CCNY: variants seen among roughly 807,000 people sequenced by gnomAD.
The protein encoded by CCNY is cyclin-Y.
A neutral mutation model predicts 42.8 loss-of-function variants in CCNY; 19 were observed. The observed-to-expected ratio is 0.44, with a 90% CI of 0.31 to 0.65. The LOEUF (loss-of-function observed/expected upper bound fraction) is 0.65, where lower values mean the gene tolerates loss of function less well. Among genes scored for constraint, CCNY ranks in the 30% least tolerant of loss-of-function variants. CCNY has a pLI of 0.07. For synonymous variants in CCNY, 165 were observed against 162.7 expected (o/e 1.01, Z -0.11); for missense variants, 370 against 437.3 (o/e 0.85, Z 1.37).
chr10:35,321,661 T>C (rs541496474), intron 3 of CCNY, among the ~76,000 whole-genome samples: 37 of 152,066 alleles, frequency 2.4e-4, no homozygotes, highest in African/African-American at 8.2e-4. Context: ...CTGGGTGACA[T>C]AGTAAGACCC....
intron 2 of CCNY, among the ~76,000 whole-genome samples, chr10:35,491,024 C>T (rs1839884573): frequency 6.6e-6 from 1 of 152,204 alleles, no homozygotes; most frequent in Non-Finnish European, 1.5e-5. Context: ...ACCTGTCTTT[C>T]CCTCTAGTTT....
intron 1 of CCNY, among the ~76,000 whole-genome samples, chr10:35,448,644 C>T (rs974025222): frequency 1.3e-5 from 2 of 152,010 alleles, no homozygotes; most frequent in Non-Finnish European, 2.9e-5. Context: ...CATGTGACTC[C>T]TTGGGGAAGG....
chr10:35,523,319 A>G (rs1840586450), intron 4 of CCNY, among the ~76,000 whole-genome samples: 1 of 152,176 alleles, frequency 6.6e-6, no homozygotes, highest in African/African-American at 2.4e-5. Context: ...TGCCTAATTA[A>G]AAGGGGGCGC....
intron 1 of CCNY, among the ~76,000 whole-genome samples, chr10:35,447,876 A>G (rs1040558904): frequency 3.3e-5 from 5 of 152,230 alleles, no homozygotes; most frequent in Middle Eastern, 3.2e-3. Flanking sequence ...AGGCAGGAAA[A>G]CAAAAGATAT....
intron 8 of CCNY, among the ~76,000 whole-genome samples, chr10:35,565,608 T>C (rs961956055): frequency 5.9e-5 from 9 of 152,212 alleles, no homozygotes; most frequent in African/African-American, 2.2e-4. Flanking sequence ...AGGAAGCCAA[T>C]GTCCTCTAGG....
At chr10:35,516,661 CTTTTTTTTTTTTTTTTTT>C (rs35268084) in intron 4 of CCNY, 38 bp downstream of exon 4, 16 of 326,922 alleles carry the variant, frequency 4.9e-5, no homozygotes, top group Non-Finnish European at 7.9e-5. Flanking sequence ...TCCTTCCTTC[CTTTTTTTTTTTTTTTTTT>C]TTTTTTTTTA....
At chr10:35,543,876 G>A (rs1277656171) in intron 7 of CCNY, among the ~76,000 whole-genome samples, 1 of 152,032 alleles carries the variant, frequency 6.6e-6, no homozygotes, top group East Asian at 1.9e-4. Context: ...CTCTGTATAG[G>A]TCTAGGCTAA....
At chr10:35,284,176 C>T (rs190414258) in intron 3 of CCNY, among the ~76,000 whole-genome samples, 1 of 152,288 alleles carries the variant, frequency 6.6e-6, no homozygotes, top group African/African-American at 2.4e-5. Flanking sequence ...TGTAGTCTGA[C>T]AAATGGATCT....
intron 2 of CCNY, among the ~76,000 whole-genome samples, chr10:35,490,031 G>T (rs967176777): frequency 1.3e-5 from 2 of 152,076 alleles, no homozygotes; most frequent in African/African-American, 4.8e-5. Context: ...CTCTGTCGCC[G>T]CAGAGGTCTT....
At chr10:35,438,503 CATT>C (rs1838593253) in intron 1 of CCNY, among the ~76,000 whole-genome samples, 2 of 152,056 alleles carry the variant, frequency 1.3e-5, no homozygotes, top group African/African-American at 4.8e-5. Flanking sequence ...ATGGCTGTAT[CATT>C]GTTAAGTTAA....
chr10:35,270,589 G>A lies in CCNY; in HGVS notation c.-9+19963G>A, dbSNP rs1272959336. ...CTGAATTGGTGCATGTGCTGGAAGT[G>A]TGAGTGCTCCAATTTGCCCAGAGTC... is the stretch of plus-strand genomic sequence containing the variant. On this transcript the variant is annotated intron_variant, in intron 3 of 11. Transcript: ENST00000374706. Among the ~76,000 whole-genome samples, 5 of 152,270 alleles carry A rather than the reference G, an allele frequency of 3.3e-5. No individual in the cohort carries two copies. The East Asian group carries it at 5.8e-4, about 18-fold the overall frequency.
At chr10:35,312,138 G>T (rs1256823529) in intron 3 of CCNY, among the ~76,000 whole-genome samples, 1 of 152,088 alleles carries the variant, frequency 6.6e-6, no homozygotes, top group African/African-American at 2.4e-5. Flanking sequence ...AGCCCTTTGG[G>T]ACGCTGAGGC....
chr10:35,559,692 A>T (rs187229019), intron 8 of CCNY, among the ~76,000 whole-genome samples: 8 of 152,352 alleles, frequency 5.3e-5, no homozygotes. Context: ...GTACTCTGGC[A>T]TTCCACGGGC....
At chr10:35,337,295 C>G (rs1490204895) in intron 1 of CCNY, 88 bp downstream of exon 1, 3 of 1,314,248 alleles carry the variant, frequency 2.3e-6, no homozygotes, top group Non-Finnish European at 3.0e-6. Context: ...TCTTGCTTGC[C>G]CAGCCGGTCT....
intron 1 of CCNY, among the ~76,000 whole-genome samples, chr10:35,372,551 C>T (rs575138263): frequency 6.6e-6 from 1 of 152,282 alleles, no homozygotes; most frequent in African/African-American, 2.4e-5. Context: ...TCTCTGAGCA[C>T]TCCCTACATT....
chr10:35,499,086 G>A (rs1840059281), intron 2 of CCNY, among the ~76,000 whole-genome samples: 2 of 152,086 alleles, frequency 1.3e-5, no homozygotes, highest in South Asian at 4.1e-4. Context: ...GACAAAAATG[G>A]CATATGTGTT....
chr10:35,489,997 T>C (rs961151123), intron 2 of CCNY, among the ~76,000 whole-genome samples: 9 of 152,198 alleles, frequency 5.9e-5, no homozygotes, highest in African/African-American at 2.2e-4. Flanking sequence ...CCCTGACTGC[T>C]GCCCCACCGC....
At chr10:35,324,766 A>G (rs544120518) in intron 3 of CCNY, among the ~76,000 whole-genome samples, 236 of 152,296 alleles carry the variant, frequency 1.5e-3, no homozygotes, top group African/African-American at 5.0e-3. Flanking sequence ...TTTTTTCTAT[A>G]AAGTTGAAAT....
At chr10:35,478,618 C>T (rs573906501) in intron 1 of CCNY, among the ~76,000 whole-genome samples, 31 of 152,206 alleles carry the variant, frequency 2.0e-4, no homozygotes, top group Non-Finnish European at 3.5e-4. Flanking sequence ...CCCTTCCTTA[C>T]ACCTTATGCA....
Sources: gnomAD v4.1 joint callset for allele counts (sites outside exome capture counted in the v4.1 genomes callset) on GRCh38, gnomAD v4.1.1 for gene constraint, MANE v1.5 for transcripts, NCBI Gene and HGNC (gene_info 2026-07-23, HGNC 2026-07-21) for gene names.